Variants in PYHIN1 observed in about 807,000 individuals in gnomAD.
PYHIN1 encodes the protein pyrin and HIN domain-containing protein 1.
A neutral mutation model predicts 43.7 loss-of-function variants in PYHIN1; 32 were observed. The ratio of observed to expected loss-of-function variants is 0.73; its 90% CI spans 0.55 to 0.98. The LOEUF (loss-of-function observed/expected upper bound fraction) is 0.98. PYHIN1 is among the 50% of genes least tolerant of loss of function. The pLI, the probability that PYHIN1 is intolerant of heterozygous loss-of-function variation, is 0.00. For synonymous variants in PYHIN1, 205 were observed against 203.1 expected (o/e 1.01, Z -0.08); for missense variants, 588 against 589.5 (o/e 1.00, Z 0.03).
chr1:158,938,287 A>C, intron 2 of PYHIN1, 110 bp from the exon 3 acceptor site: 2 of 1,205,236 alleles, frequency 1.7e-6, no homozygotes, highest in Non-Finnish European at 2.4e-6. Flanking sequence ...GATAGACTAA[A>C]ATACACCTGA....
rs181542730 is a variant in PYHIN1 at position 158,952,907 on chromosome 1, C to T, written c.1359+7865C>T. 9.0e-3 allele frequency among the ~76,000 whole-genome samples: 1,364 copies of T among 152,282 alleles called. 24 individuals carry two copies. Among genetic ancestry groups the T allele is most frequent in the African/African-American group, 0.03 (1,255 of 41,574 alleles). On this transcript the variant is annotated intron_variant, in intron 7 of 8. Coordinates refer to ENST00000368140, the MANE Select transcript of PYHIN1 (RefSeq NM_152501.5). ...GGTCAGTGGGTGCACGCACCATGCGCGAGCCGAAGTAGGGTGAGGCATTGC... is the reference window on the plus strand; with the variant it reads ...GGTCAGTGGGTGCACGCACCATGCGTGAGCCGAAGTAGGGTGAGGCATTGC...
chr1:158,944,222 G>A (rs937094464), intron 6 of PYHIN1, among the ~76,000 whole-genome samples: 3 of 152,170 alleles, frequency 2.0e-5, no homozygotes, highest in African/African-American at 7.2e-5. Context: ...AAGAAACTAG[G>A]AGGCCACGGG....
At chr1:158,937,252 T>C in intron 2 of PYHIN1, 77 bp downstream of exon 2, 1 of 1,437,000 alleles carries the variant, frequency 7.0e-7, no homozygotes, top group South Asian at 1.5e-5. Context: ...GCCACCTTGG[T>C]CGTAGCTGAT....
the PYHIN1 span, among the ~76,000 whole-genome samples, chr1:158,986,520 G>A: frequency 1.3e-5 from 2 of 152,180 alleles, no homozygotes; most frequent in East Asian, 3.8e-4. Flanking sequence ...AACCATCTAT[G>A]TGGGGACATG....
Position 158,941,731 on chromosome 1 carries a change from T to C in PYHIN1, c.580-246T>C, listed in dbSNP as rs148159751. ...AGCATCCACTTGTCTTTTGTTGCTA[T>C]TATATCTTACATTTTAAGGATTATT... On this transcript the variant is annotated intron_variant, in intron 4 of 8. Coordinates refer to ENST00000368140, the MANE Select transcript of PYHIN1 (RefSeq NM_152501.5). Among the ~76,000 whole-genome samples the C allele has an allele frequency of 2.2e-3, 338 of 152,356 alleles. 1 individual carries two copies. The highest frequency in any genetic ancestry group is 6.8e-3 in the Middle Eastern group (2 of 294).
intron 7 of PYHIN1, among the ~76,000 whole-genome samples, chr1:158,962,191 G>A (rs376643250): frequency 5.6e-4 from 85 of 152,274 alleles, no homozygotes; most frequent in African/African-American, 1.9e-3. Context: ...TGTTTTATAC[G>A]TGGATTCCCG....
chr1:158,966,773 C>G (rs1335049064), intron 7 of PYHIN1, among the ~76,000 whole-genome samples: 1 of 152,038 alleles, frequency 6.6e-6, no homozygotes, highest in East Asian at 1.9e-4. Flanking sequence ...TGGACAAAAG[C>G]TAGAAGCACT....
chr1:158,954,917 C>A (rs1228740418), intron 7 of PYHIN1, among the ~76,000 whole-genome samples: 4 of 149,834 alleles, frequency 2.7e-5, no homozygotes, highest in African/African-American at 9.8e-5. Flanking sequence ...ATCTACCAAG[C>A]AAATGGAAAA....
the PYHIN1 span, among the ~76,000 whole-genome samples, chr1:158,989,303 G>T: frequency 6.6e-6 from 1 of 152,086 alleles, no homozygotes; most frequent in African/African-American, 2.4e-5. Context: ...TTGAGGTGAG[G>T]TGATTATATT....
At position 158,939,071 on chromosome 1, in the gene PYHIN1, T is replaced by C; in HGVS notation, c.412-9T>C. On this transcript the variant is annotated splice_polypyrimidine_tract_variant and intron_variant, in intron 3 of 8. Transcript: ENST00000368140. Reference sequence around the variant, plus strand: ...AAAGTAATTAACAAGAAAAATAAACTACTTGTAGAAAAGAAAAAAACCATC... The same window carrying C: ...AAAGTAATTAACAAGAAAAATAAACCACTTGTAGAAAAGAAAAAAACCATC... The C allele has an allele frequency of 6.4e-7, 1 of 1,568,582 alleles. No individual in the cohort carries two copies. Among genetic ancestry groups the C allele is most frequent in the Non-Finnish European group, 8.6e-7 (1 of 1,162,864 alleles).
chr1:158,973,351 A>G (rs1651044308), intron 7 of PYHIN1, among the ~76,000 whole-genome samples: 1 of 152,018 alleles, frequency 6.6e-6, no homozygotes, highest in African/African-American at 2.4e-5. Flanking sequence ...AGTGGCCTCA[A>G]ATAGACCCCA....
chr1:158,956,015 A>G (rs1369854988), intron 7 of PYHIN1, among the ~76,000 whole-genome samples: 1 of 144,596 alleles, frequency 6.9e-6, no homozygotes. Context: ...GAAATGGATA[A>G]ATTCCTCAAC....
intron 7 of PYHIN1, among the ~76,000 whole-genome samples, chr1:158,956,938 C>G (rs1396839698): frequency 1.7e-5 from 2 of 118,070 alleles, no homozygotes; most frequent in Non-Finnish European, 3.5e-5. Flanking sequence ...ACAAAAATCA[C>G]AAGCATTCTT....
At chr1:158,946,236 C>G (rs1649213023) in intron 7 of PYHIN1, among the ~76,000 whole-genome samples, 1 of 152,114 alleles carries the variant, frequency 6.6e-6, no homozygotes, top group South Asian at 2.1e-4. Context: ...TCATTCTTCT[C>G]TATAACAGAG....
the PYHIN1 span, among the ~76,000 whole-genome samples, chr1:158,989,155 A>G: frequency 6.6e-6 from 1 of 152,126 alleles, no homozygotes; most frequent in African/African-American, 2.4e-5. Context: ...TATTTTCTAG[A>G]TTTTCAGGTT....
chr1:158,944,757 TC>T (rs1223157663), intron 6 of PYHIN1, 117 bp from the exon 7 acceptor site: 58 of 733,152 alleles, frequency 7.9e-5, no homozygotes, highest in Non-Finnish European at 1.1e-4. Context: ...ATAGAGGCAA[TC>T]TTTGAAGGTA....
chr1:158,941,883 G>T, intron 4 of PYHIN1, 94 bp from the exon 5 acceptor site: 1 of 1,197,796 alleles, frequency 8.3e-7, no homozygotes, highest in Non-Finnish European at 1.1e-6. Flanking sequence ...ACAACTTTTG[G>T]GGGCCCAATG....
At chr1:158,950,565 G>A (rs1281073329) in intron 7 of PYHIN1, among the ~76,000 whole-genome samples, 2 of 152,168 alleles carry the variant, frequency 1.3e-5, no homozygotes, top group Non-Finnish European at 2.9e-5. Context: ...GGACCACACC[G>A]TACATTACCG....
chr1:158,990,293 G>A, the PYHIN1 span, among the ~76,000 whole-genome samples: 1 of 152,072 alleles, frequency 6.6e-6, no homozygotes, highest in African/African-American at 2.4e-5. Context: ...ACTGTCTAGG[G>A]GTAGAATGAG....
Sources: gnomAD v4.1 joint callset for allele counts (sites outside exome capture counted in the v4.1 genomes callset) on GRCh38, gnomAD v4.1.1 for gene constraint, MANE v1.5 for transcripts, NCBI Gene and HGNC (gene_info 2026-07-23, HGNC 2026-07-21) for gene names.